Variants in DST observed in about 807,000 individuals in gnomAD.
DST encodes the protein dystonin.
DST carries 253 observed loss-of-function variants against 875.2 expected under a neutral mutation model. That is an observed-to-expected ratio of 0.29 (90% confidence interval 0.26 to 0.32). The LOEUF (loss-of-function observed/expected upper bound fraction) is 0.32, where lower values mean the gene tolerates loss of function less well. Ranked by LOEUF, DST falls within the 10% of genes least tolerant of loss-of-function variation. The probability of loss-of-function intolerance (pLI) is 1.00; values close to 1 mark genes in which losing one functional copy is unlikely to be tolerated. For synonymous variants in DST, 3,124 were observed against 3,197.1 expected, an observed-to-expected ratio of 0.98 and a Z score of 0.77; for missense variants, 8,287 against 9,111.6, an observed-to-expected ratio of 0.91 and a Z score of 3.68.
chr6:56,597,962 T>C lies in DST; in HGVS notation c.11973A>G (p.Glu3991=). Residue 3991 remains glutamate, a synonymous_variant, in exon 47 of 104, where the codon GAA becomes GAG. Coordinates refer to ENST00000680361, the MANE Select transcript of DST (RefSeq NM_001374736.1). ...CATTTGACAACCAGTCCAAAAGGTT[T>C]TCTATTTTGGTTTTGCTCTCTTCCA... is the stretch of plus-strand genomic sequence containing the variant. ...KQLEESKTKI[E]NLLDWLSNVD... 1 of 1,611,380 alleles carries C rather than the reference T, an allele frequency of 6.2e-7. No individual in the cohort carries two copies. Among genetic ancestry groups the C allele is most frequent in the Non-Finnish European group, 8.5e-7 (1 of 1,178,446 alleles).
In DST at chr6:56,492,963, T is replaced by C; in HGVS notation, c.20521A>G (p.Thr6841Ala). 1 of 1,611,512 alleles carries C rather than the reference T, an allele frequency of 6.2e-7. No individual in the cohort carries two copies. The highest frequency in any genetic ancestry group is 8.5e-7 in the Non-Finnish European group (1 of 1,178,744). Residue 6841 changes from threonine (T) to alanine (A), a missense_variant, in exon 84 of 104, where the codon ACA becomes GCA. By Grantham distance (58) the Thr-to-Ala change is moderately conservative (BLOSUM62 0). Coordinates refer to ENST00000680361, the MANE Select transcript of DST (RefSeq NM_001374736.1). The part of the protein sequence containing the change: ...VASRPSLILD[T>A]VLFQIDEHKV... Reference sequence around the variant, plus strand: ...TGTTCGTCAATTTGAAATAAGACTGTGTCCAAGATGAGACTTGGCCGAGAA... The same window carrying C: ...TGTTCGTCAATTTGAAATAAGACTGCGTCCAAGATGAGACTTGGCCGAGAA...
intron 2 of DST, among the ~76,000 whole-genome samples, chr6:56,917,680 A>T (rs965913653): frequency 1.3e-5 from 2 of 152,214 alleles, no homozygotes; most frequent in African/African-American, 4.8e-5. Context: ...AGACTGATTT[A>T]AAAGAAGTTT....
chr6:56,459,954 C>T (rs984340067), intron 103 of DST, among the ~76,000 whole-genome samples, 177 bp downstream of exon 103: 1 of 152,172 alleles, frequency 6.6e-6, no homozygotes, highest in South Asian at 2.1e-4. Context: ...CACTTTTAGA[C>T]ACTTGCACCC....
intron 10 of DST, among the ~76,000 whole-genome samples, chr6:56,654,661 G>T (rs6903815): frequency 0.13 from 18,588 of 148,494 alleles, 2,742 homozygotes; most frequent in African/African-American, 0.37. Flanking sequence ...TAGATAGATA[G>T]ATATATGGAT....
intron 72 of DST, among the ~76,000 whole-genome samples, chr6:56,512,046 A>G (rs1219530798): frequency 6.6e-6 from 1 of 152,034 alleles, no homozygotes; most frequent in Non-Finnish European, 1.5e-5. Flanking sequence ...TTATGTATGA[A>G]TCTATTCTAT....
At chr6:56,642,725 G>C in intron 15 of DST, 1 of 1,614,070 alleles carries the variant, frequency 6.2e-7, no homozygotes, top group Non-Finnish European at 8.5e-7. Flanking sequence ...AGACTGGTTC[G>C]AGTGCTGGTA....
chr6:56,845,503 T>G (rs1306349717), intron 4 of DST, among the ~76,000 whole-genome samples: 2 of 152,258 alleles, frequency 1.3e-5, no homozygotes, highest in Non-Finnish European at 2.9e-5. Flanking sequence ...AATCTGAGTT[T>G]GAACCACTGT....
chr6:56,485,965 C>T (rs555827915), intron 87 of DST, among the ~76,000 whole-genome samples: 3 of 152,164 alleles, frequency 2.0e-5, no homozygotes, highest in African/African-American at 7.2e-5. Flanking sequence ...TTCATTGATC[C>T]GTTTGTCAGG....
At chr6:56,504,205 G>T in intron 77 of DST, 107 bp from the exon 78 acceptor site, 1 of 707,672 alleles carries the variant, frequency 1.4e-6, no homozygotes, top group South Asian at 2.0e-5. Flanking sequence ...AGATATTATA[G>T]AATTAGACTA....
At position 56,634,972 on chromosome 6, in the gene DST, G is replaced by T; in HGVS notation, c.3187-19C>A. 1 of 1,595,938 alleles carries T rather than the reference G, an allele frequency of 6.3e-7. No homozygotes were observed. On this transcript the variant is annotated intron_variant, in intron 24 of 103. Transcript: ENST00000680361. ...TCTCTTCCTAAGTAATAAATACAGT[G>T]AATTTTAAGAAGTAAAAGACTTGTA...
intron 5 of DST, among the ~76,000 whole-genome samples, chr6:56,730,534 T>A (rs537643767): frequency 6.6e-6 from 1 of 152,142 alleles, no homozygotes; most frequent in African/African-American, 2.4e-5. Context: ...CCTAGTGTCA[T>A]AGGTAGAAGA....
intron 4 of DST, among the ~76,000 whole-genome samples, chr6:56,782,671 C>A (rs555898532): frequency 2.0e-5 from 3 of 152,118 alleles, no homozygotes; most frequent in Non-Finnish European, 4.4e-5. Context: ...TTTCAAAAAA[C>A]CAGCTCCTGG....
intron 3 of DST, among the ~76,000 whole-genome samples, chr6:56,866,347 A>C (rs1349113414): frequency 6.6e-6 from 1 of 152,326 alleles, no homozygotes; most frequent in South Asian, 2.1e-4. Flanking sequence ...TGCCTGAACA[A>C]TTATTGGAAA....
Position 56,628,128 on chromosome 6 carries a change from C to T in DST, c.4509G>A (p.Leu1503=). The T allele has an allele frequency of 6.2e-7, 1 of 1,613,852 alleles. No homozygotes were observed. Among genetic ancestry groups the T allele is most frequent in the Non-Finnish European group, 8.5e-7 (1 of 1,179,762 alleles). The part of the protein sequence containing the change: ...LRDLEGIGKS[L]KYYRDTYHPL... ...GATGGTAAGTGTCTCTGTAGTACTT[C>T]AGTGATTTGCCAATGCCCTCTAAGT... Residue 1503 remains leucine, a synonymous_variant, in exon 33 of 104, where the codon CTG becomes CTA. Transcript: ENST00000680361.
chr6:56,619,734 AC>A, intron 36 of DST: 1 of 1,614,062 alleles, frequency 6.2e-7, no homozygotes, highest in South Asian at 1.1e-5. Flanking sequence ...TGTTGAGAAT[AC>A]CCTTTCTCCG....
chr6:56,851,363 C>G, intron 4 of DST, 34 bp downstream of exon 4: 4 of 1,592,792 alleles, frequency 2.5e-6, no homozygotes, highest in Non-Finnish European at 3.4e-6. Context: ...CAACTCTCTT[C>G]CCCCACTCCA....
Position 56,604,891 on chromosome 6 carries a change from T to A in DST, c.9737A>T (p.Asp3246Val). ...SPLNDMIQSN[D>V]LCSKESISGG... ...TGAGATGCTTTCTTTACTACAAAGA[T>A]CATTGCTTTGGATCATGTCATTAAG... Residue 3246 changes from aspartate (D) to valine (V), a missense_variant, in exon 40 of 104, where the codon GAT becomes GTT. By Grantham distance (152) the Asp-to-Val change is radical (BLOSUM62 -3). Transcript: ENST00000680361. 1 of 1,612,708 alleles carries A rather than the reference T, an allele frequency of 6.2e-7. No individual in the cohort carries two copies. The highest frequency in any genetic ancestry group is 2.2e-5 in the East Asian group (1 of 44,852).
chr6:56,772,967 T>C (rs2099670452), intron 4 of DST, among the ~76,000 whole-genome samples: 1 of 152,112 alleles, frequency 6.6e-6, no homozygotes, highest in African/African-American at 2.4e-5. Context: ...TGGTTTCTTG[T>C]TCTAGGGAAA....
In DST at chr6:56,553,269, C is replaced by T. The variant is rs774062454; in HGVS notation, c.15523G>A (p.Val5175Ile). The change falls in exon 61 of 104, where the codon GTA (valine) becomes ATA (isoleucine). Residue 5175 changes from valine to isoleucine, a missense_variant. Coordinates refer to ENST00000680361, the MANE Select transcript of DST (RefSeq NM_001374736.1). ...TCTATCCATGGCCAGAGAGTCTCTA[C>T]TTGCTCTTTATACTTAAGGGCTTTT... is the stretch of plus-strand genomic sequence containing the variant. ...LEKALKYKEQVETLWPWIDKC... is the reference protein window; with the variant it reads ...LEKALKYKEQIETLWPWIDKC... 2 of 1,613,782 alleles carry T rather than the reference C, an allele frequency of 1.2e-6. No homozygotes were observed. The highest frequency in any genetic ancestry group is 2.2e-5 in the South Asian group (2 of 91,084).
Sources: gnomAD v4.1 joint callset for allele counts (sites outside exome capture counted in the v4.1 genomes callset) on GRCh38, gnomAD v4.1.1 for gene constraint, MANE v1.5 for transcripts, NCBI Gene and HGNC (gene_info 2026-07-23, HGNC 2026-07-21) for gene names.